FGF14: variants seen among roughly 807,000 people sequenced by gnomAD.
The protein encoded by FGF14 is fibroblast growth factor 14.
FGF14 carries 5 observed loss-of-function variants against 25.5 expected under a neutral mutation model. The ratio of observed to expected loss-of-function variants is 0.20; its 90% CI spans 0.10 to 0.41. The LOEUF is 0.41. Among genes scored for constraint, FGF14 ranks in the 10% least tolerant of loss-of-function variants. FGF14 has a pLI of 1.00. For synonymous variants in FGF14, 138 were observed against 118.3 expected, an observed-to-expected ratio of 1.17 and a Z score of -1.08; for missense variants, 222 against 320.1, an observed-to-expected ratio of 0.69 and a Z score of 2.34.
intron 1 of FGF14, among the ~76,000 whole-genome samples, chr13:102,376,696 G>C (rs2058048956): frequency 6.6e-6 from 1 of 152,228 alleles, no homozygotes; most frequent in African/African-American, 2.4e-5. Context: ...AAGGAAGTAT[G>C]AAGTAACTTT....
At chr13:102,394,314 T>C (rs1043876677) in intron 1 of FGF14, 1 of 152,380 alleles carries the variant, frequency 6.6e-6, no homozygotes, top group Non-Finnish European at 1.5e-5. Context: ...GGTCCAGCAG[T>C]GCACATGGGG....
chr13:102,035,228 T>C (rs946951473), intron 1 of FGF14, among the ~76,000 whole-genome samples: 1 of 152,038 alleles, frequency 6.6e-6, no homozygotes, highest in African/African-American at 2.4e-5. Context: ...AAGGGTGAAA[T>C]CTGGGGTGAG....
At chr13:102,183,108 T>A (rs2140764023) in intron 1 of FGF14, among the ~76,000 whole-genome samples, 1 of 152,240 alleles carries the variant, frequency 6.6e-6, no homozygotes, top group Non-Finnish European at 1.5e-5. Flanking sequence ...CATAGCACTG[T>A]CACTATGGAG....
chr13:101,898,743 A>G (rs1287700529), intron 1 of FGF14, among the ~76,000 whole-genome samples: 3 of 152,192 alleles, frequency 2.0e-5, no homozygotes, highest in Non-Finnish European at 4.4e-5. Context: ...GCATAAGACC[A>G]ACACTCCTAC....
intron 1 of FGF14, among the ~76,000 whole-genome samples, chr13:102,326,683 GGGAAGGGAAGGGAAGGAAGGAA>G (rs1313493504): frequency 2.6e-4 from 18 of 68,946 alleles, no homozygotes; most frequent in African/African-American, 7.4e-4. Context: ...GGGAAGGGAA[GGGAAGGGAAGGGAAGGAAGGAA>G]GGAAGGAAGG....
chr13:101,942,146 A>C (rs1415420468), intron 1 of FGF14, among the ~76,000 whole-genome samples: 1 of 152,224 alleles, frequency 6.6e-6, no homozygotes, highest in Non-Finnish European at 1.5e-5. Context: ...CCCTTACCTG[A>C]GAATACATCC....
intron 1 of FGF14, among the ~76,000 whole-genome samples, chr13:101,911,589 T>C (rs1326832489): frequency 6.6e-6 from 1 of 152,122 alleles, no homozygotes; most frequent in East Asian, 1.9e-4. Flanking sequence ...GCATAAACAA[T>C]GAATGCCTTT....
At chr13:101,755,050 A>T (rs1425774525) in intron 3 of FGF14, among the ~76,000 whole-genome samples, 5 of 152,306 alleles carry the variant, frequency 3.3e-5, no homozygotes, top group Non-Finnish European at 7.4e-5. Context: ...GTACATATAA[A>T]CTTATACAAA....
At chr13:102,098,285 C>T (rs967285597) in intron 1 of FGF14, among the ~76,000 whole-genome samples, 11 of 152,268 alleles carry the variant, frequency 7.2e-5, no homozygotes, top group African/African-American at 2.2e-4. Context: ...TCTAGAAAGT[C>T]GTGTCCCTAG....
Position 102,391,412 on chromosome 13 carries a change from G to A in FGF14, c.208+10059C>T, listed in dbSNP as rs560769422. Among the ~76,000 whole-genome samples, 7 of 152,268 alleles carry A rather than the reference G, an allele frequency of 4.6e-5. No homozygotes were observed. In the South Asian group the frequency reaches 1.5e-3, roughly 32 times the overall value. On this transcript the variant is annotated intron_variant, in intron 1 of 4. Transcript: ENST00000376131. The stretch of plus-strand genomic sequence containing the variant: ...CATGTACCAGAATGGCCTCAGTACT[G>A]TGTTGTTTAAAATTATTCCCAACAT...
chr13:101,973,898 T>C (rs1359681320), intron 1 of FGF14, among the ~76,000 whole-genome samples: 1 of 152,234 alleles, frequency 6.6e-6, no homozygotes, highest in Non-Finnish European at 1.5e-5. Flanking sequence ...ATTTGATGGT[T>C]GATGTTATTC....
At chr13:101,945,280 T>C (rs1001354385) in intron 1 of FGF14, among the ~76,000 whole-genome samples, 4 of 152,164 alleles carry the variant, frequency 2.6e-5, no homozygotes, top group Admixed American at 1.3e-4. Context: ...ATCGTGCCAT[T>C]GCACTCCAGC....
intron 3 of FGF14, among the ~76,000 whole-genome samples, chr13:101,860,477 A>G (rs1256844390): frequency 6.6e-6 from 1 of 152,144 alleles, no homozygotes; most frequent in African/African-American, 2.4e-5. Context: ...TCAATGGTAG[A>G]TATAAAAGCA....
At chr13:101,788,872 CTATATATATA>C (rs56084859) in intron 3 of FGF14, among the ~76,000 whole-genome samples, 879 of 26,284 alleles carry the variant, frequency 0.033, 27 homozygotes, top group Admixed American at 0.044. Context: ...CCTTTTTTGA[CTATATATATA>C]TATATATATA....
rs111253872 is a variant in FGF14, at chr13:102,253,675, T to G, written c.208+147796A>C. 4.0e-3 allele frequency among the ~76,000 whole-genome samples: 610 copies of G among 152,298 alleles called. 6 individuals are homozygous for G. Among genetic ancestry groups the G allele is most frequent in the African/African-American group, 0.014 (591 of 41,552 alleles). ...GCAGAAGCTCTTTAGTTTAATAAGA[T>G]CCCATGTGTCTATTTTGGCTTTTGC... On this transcript the variant is annotated intron_variant, in intron 1 of 4. Transcript: ENST00000376131.
chr13:102,352,030 T>A (rs1377921012), intron 1 of FGF14, among the ~76,000 whole-genome samples: 2 of 152,086 alleles, frequency 1.3e-5, no homozygotes, highest in South Asian at 2.1e-4. Context: ...TTATTTCCAC[T>A]GGGGAAAAAG....
intron 3 of FGF14, among the ~76,000 whole-genome samples, chr13:101,796,748 T>C (rs1266067152): frequency 6.6e-6 from 1 of 152,060 alleles, no homozygotes; most frequent in Non-Finnish European, 1.5e-5. Flanking sequence ...TGCCGGCACC[T>C]TGATTTCAGA....
intron 3 of FGF14, among the ~76,000 whole-genome samples, chr13:101,784,417 CA>C (rs2039688716): frequency 6.6e-6 from 1 of 152,156 alleles, no homozygotes; most frequent in Admixed American, 6.6e-5. Context: ...TCAGATCCCA[CA>C]AGGCTCCACT....
At chr13:102,248,920 T>C (rs983976640) in intron 1 of FGF14, among the ~76,000 whole-genome samples, 1 of 151,642 alleles carries the variant, frequency 6.6e-6, no homozygotes, top group African/African-American at 2.4e-5. Flanking sequence ...GCAGGAGGAG[T>C]CCAAACCCCA....
Sources: gnomAD v4.1 joint callset for allele counts (sites outside exome capture counted in the v4.1 genomes callset) on GRCh38, gnomAD v4.1.1 for gene constraint, MANE v1.5 for transcripts, NCBI Gene and HGNC (gene_info 2026-07-23, HGNC 2026-07-21) for gene names.